MIPEP: variants seen among roughly 807,000 people sequenced by gnomAD.
MIPEP encodes mitochondrial intermediate peptidase.
In MIPEP, 79 loss-of-function variants were observed where a neutral mutation model predicts 90.3. The observed-to-expected ratio is 0.87, with a 90% CI of 0.73 to 1.05. MIPEP has a LOEUF of 1.05. MIPEP is among the 50% of genes least tolerant of loss of function. MIPEP has a pLI of 0.00. For missense variants in MIPEP, 940 were observed against 905.6 expected (o/e 1.04, Z -0.49); for synonymous variants, 334 against 315.8 (o/e 1.06, Z -0.61).
chr13:23,756,745 C>T (rs965259324), intron 17 of MIPEP, 127 bp from the exon 18 acceptor site: 75 of 842,820 alleles, frequency 8.9e-5, no homozygotes, highest in Non-Finnish European at 1.3e-4. Flanking sequence ...ACAATTTGGC[C>T]CCTATTTTCT....
At chr13:23,752,190 G>A (rs1952449129) in intron 18 of MIPEP, among the ~76,000 whole-genome samples, 1 of 151,960 alleles carries the variant, frequency 6.6e-6, no homozygotes, top group African/African-American at 2.4e-5. Flanking sequence ...TCAGTAAGAG[G>A]GATTTACCTA....
intron 14 of MIPEP, among the ~76,000 whole-genome samples, chr13:23,821,131 T>C (rs1953300632): frequency 2.0e-5 from 3 of 152,244 alleles, no homozygotes; most frequent in Admixed American, 6.5e-5. Context: ...AGGCATTTTA[T>C]TGAAATACAA....
intron 10 of MIPEP, among the ~76,000 whole-genome samples, chr13:23,852,630 C>A (rs1192221828): frequency 6.6e-6 from 1 of 152,234 alleles, no homozygotes; most frequent in Non-Finnish European, 1.5e-5. Context: ...CTAACACACA[C>A]AATTAGGTAC....
At chr13:23,867,017 GCCAACACTTC>G (rs59634725) in intron 7 of MIPEP, among the ~76,000 whole-genome samples, 81,223 of 151,654 alleles carry the variant, frequency 0.54, 21,906 homozygotes, top group South Asian at 0.72. Flanking sequence ...TGGTCAAGAT[GCCAACACTTC>G]TCATCATGGT....
intron 16 of MIPEP, among the ~76,000 whole-genome samples, chr13:23,767,664 G>C (rs1197469241): frequency 6.6e-6 from 1 of 152,138 alleles, no homozygotes; most frequent in East Asian, 1.9e-4. Flanking sequence ...ATGTTGGCCA[G>C]GCTGGTCTTG....
Position 23,852,892 on chromosome 13 carries a change from C to G in MIPEP, c.1106+5968G>C, listed in dbSNP as rs116226667. Among the ~76,000 whole-genome samples the G allele has an allele frequency of 4.3e-3, 656 of 152,040 alleles. 2 individuals are homozygous for G. The highest frequency in any genetic ancestry group is 0.015 in the African/African-American group (629 of 41,456). On this transcript the variant is annotated intron_variant, in intron 10 of 18. Coordinates refer to ENST00000382172, the MANE Select transcript of MIPEP (RefSeq NM_005932.4). ...GACAGTGATGTTGATGATTCTGACC[C>G]TGTGTAAGCCTTGGCTAATGTGTAT...
chr13:23,794,779 A>T (rs1294959488), intron 16 of MIPEP, among the ~76,000 whole-genome samples: 1 of 152,212 alleles, frequency 6.6e-6, no homozygotes, highest in Admixed American at 6.5e-5. Flanking sequence ...CTCATGTTTT[A>T]AATCACTGAA....
At chr13:23,785,624 TAAA>T (rs67915328) in intron 16 of MIPEP, among the ~76,000 whole-genome samples, 1 of 119,258 alleles carries the variant, frequency 8.4e-6, no homozygotes. Flanking sequence ...TAAAGTATAA[TAAA>T]AAAAAAAAAA....
At chr13:23,856,389 G>A (rs1425157974) in intron 10 of MIPEP, among the ~76,000 whole-genome samples, 3 of 152,202 alleles carry the variant, frequency 2.0e-5, no homozygotes, top group African/African-American at 7.2e-5. Context: ...TGTGAGTAGA[G>A]ATGTTTCTTT....
chr13:23,763,517 T>G (rs1390902301), intron 16 of MIPEP, among the ~76,000 whole-genome samples: 1 of 152,238 alleles, frequency 6.6e-6, no homozygotes, highest in Non-Finnish European at 1.5e-5. Flanking sequence ...GAATACAGCT[T>G]TGTTTTATCT....
chr13:23,822,638 A>T (rs1389106145), intron 14 of MIPEP, among the ~76,000 whole-genome samples: 5 of 152,174 alleles, frequency 3.3e-5, no homozygotes, highest in Non-Finnish European at 7.3e-5. Context: ...GTACCCAAAC[A>T]CACAGCTGTG....
Position 23,889,380 on chromosome 13 carries a change from G to A in MIPEP, c.-60C>T, listed in dbSNP as rs1455832801. On this transcript the variant is annotated 5_prime_UTR_variant, in exon 1 of 19. Coordinates refer to ENST00000382172, the MANE Select transcript of MIPEP (RefSeq NM_005932.4). ...ATCCCTGCCCTGCTGCTTTCGCTGG[G>A]AGCGCGCGCTCCGCGTTTCCAAGGC... 8.1e-6 allele frequency: 10 copies of A among 1,233,858 alleles called. No homozygotes were observed. The South Asian group carries it at 2.9e-4, about 36-fold the overall frequency. The allele number at this position is 1,233,858 out of a possible 1,614,324, so 76.4% of individuals were successfully genotyped here. A position where few individuals can be genotyped will look rare whatever the true frequency, so the allele number is the denominator to read the frequency against.
intron 16 of MIPEP, among the ~76,000 whole-genome samples, chr13:23,805,688 T>C (rs531356440): frequency 1.3e-5 from 2 of 152,270 alleles, no homozygotes; most frequent in South Asian, 2.1e-4. Flanking sequence ...AAAAGAAGAA[T>C]ATAGACCAAC....
intron 14 of MIPEP, among the ~76,000 whole-genome samples, chr13:23,817,334 GT>G (rs1457687613): frequency 6.6e-6 from 1 of 152,156 alleles, no homozygotes; most frequent in Non-Finnish European, 1.5e-5. Flanking sequence ...GCTTTGGCAC[GT>G]ATGACAGACA....
intron 16 of MIPEP, among the ~76,000 whole-genome samples, chr13:23,803,593 C>T (rs1416508219): frequency 6.6e-6 from 1 of 152,080 alleles, no homozygotes. Context: ...TGTCACTCAA[C>T]CTATATTTGA....
intron 16 of MIPEP, among the ~76,000 whole-genome samples, chr13:23,779,032 A>G (rs1278606470): frequency 1.3e-5 from 2 of 152,184 alleles, no homozygotes; most frequent in Non-Finnish European, 2.9e-5. Context: ...TTTCTTGTTA[A>G]TTTGAATATG....
intron 14 of MIPEP, among the ~76,000 whole-genome samples, chr13:23,819,906 G>A (rs1953284228): frequency 6.6e-6 from 1 of 152,024 alleles, no homozygotes; most frequent in Non-Finnish European, 1.5e-5. Context: ...CTACTTGGGA[G>A]GCTGAGGGAG....
At chr13:23,856,482 C>T (rs1307163548) in intron 10 of MIPEP, among the ~76,000 whole-genome samples, 2 of 152,160 alleles carry the variant, frequency 1.3e-5, no homozygotes, top group Non-Finnish European at 2.9e-5. Flanking sequence ...TATATTTATA[C>T]CCACTGTTAT....
intron 14 of MIPEP, among the ~76,000 whole-genome samples, chr13:23,820,355 G>C (rs1953291868): frequency 6.6e-6 from 1 of 152,142 alleles, no homozygotes; most frequent in Non-Finnish European, 1.5e-5. Context: ...ATTATACGTA[G>C]TCCTACCTTT....
Sources: allele counts gnomAD v4.1 joint callset (sites outside exome capture counted in the v4.1 genomes callset), GRCh38; gene constraint gnomAD v4.1.1; transcripts MANE v1.5; gene names NCBI Gene and HGNC (gene_info 2026-07-23, HGNC 2026-07-21).